Variants in LRRC7 observed in about 807,000 individuals in gnomAD.
LRRC7 encodes the protein leucine rich repeat containing 7.
In LRRC7, 23 loss-of-function variants were observed where a neutral mutation model predicts 175.7. The ratio of observed to expected loss-of-function variants is 0.13; its 90% CI spans 0.09 to 0.19. The LOEUF is 0.19. LRRC7 is among the 10% of genes least tolerant of loss of function. LRRC7 has a pLI of 1.00. For synonymous variants in LRRC7, 685 were observed against 680.9 expected (o/e 1.01, Z -0.09); for missense variants, 1,354 against 1,904.7 (o/e 0.71, Z 5.38).
chr1:69,933,408 T>C (rs543870433), intron 8 of LRRC7, among the ~76,000 whole-genome samples: 1 of 152,318 alleles, frequency 6.6e-6, no homozygotes, highest in Admixed American at 6.5e-5. Flanking sequence ...AAATAACAGA[T>C]AGTGGCAAAA....
chr1:70,128,345 T>C lies in LRRC7; in HGVS notation c.*6458T>C, dbSNP rs369630445. Among the ~76,000 whole-genome samples the C allele has an allele frequency of 2.5e-4, 38 of 152,348 alleles. No individual in the cohort carries two copies. Among genetic ancestry groups the C allele is most frequent in the African/African-American group, 8.4e-4 (35 of 41,584 alleles). ...AAAGTTAAATGAATCACCCAATCTT[T>C]CTCTAGTTTTGAAAGTGTATTTTTT... On this transcript the variant is annotated 3_prime_UTR_variant, in exon 27 of 27. Transcript: ENST00000651989.
intron 1 of LRRC7, among the ~76,000 whole-genome samples, chr1:69,659,525 AAAAG>A (rs1657137058): frequency 6.6e-6 from 1 of 151,894 alleles, no homozygotes; most frequent in African/African-American, 2.4e-5. Flanking sequence ...AAAAAAAAAA[AAAAG>A]ATTACCTTTC....
At chr1:70,066,841 T>A (rs1192538231) in intron 23 of LRRC7, among the ~76,000 whole-genome samples, 1 of 152,082 alleles carries the variant, frequency 6.6e-6, no homozygotes, top group Non-Finnish European at 1.5e-5. Context: ...CATTTGACAT[T>A]GCCAGCAGCA....
At chr1:69,770,343 A>G (rs1442946084) in intron 3 of LRRC7, among the ~76,000 whole-genome samples, 4 of 152,200 alleles carry the variant, frequency 2.6e-5, no homozygotes, top group Admixed American at 6.5e-5. Flanking sequence ...GTTCAAGGCC[A>G]TGTTTTTCTT....
At chr1:69,717,826 GAAAGAAAGAAAGAAAA>G (rs1665650467) in intron 2 of LRRC7, among the ~76,000 whole-genome samples, 6 of 25,296 alleles carry the variant, frequency 2.4e-4, no homozygotes, top group African/African-American at 9.4e-4. Context: ...AAGAAAGAAA[GAAAGAAAGAAAGAAAA>G]AAGAAAGAAA....
At chr1:69,700,490 G>A (rs1663202746) in intron 2 of LRRC7, among the ~76,000 whole-genome samples, 1 of 152,054 alleles carries the variant, frequency 6.6e-6, no homozygotes, top group Non-Finnish European at 1.5e-5. Flanking sequence ...TCTTCTACTG[G>A]CCTAGCAGAA....
chr1:69,888,158 T>TGG (rs1311603496), intron 7 of LRRC7, among the ~76,000 whole-genome samples: 4 of 150,066 alleles, frequency 2.7e-5, no homozygotes, highest in Admixed American at 6.6e-5. Flanking sequence ...AGTTTGAGCT[T>TGG]CCTGGCTGCT....
At chr1:69,730,523 T>A (rs1198065856) in intron 2 of LRRC7, among the ~76,000 whole-genome samples, 2 of 152,068 alleles carry the variant, frequency 1.3e-5, no homozygotes, top group South Asian at 2.1e-4. Context: ...AAGTTCCTCA[T>A]CTCCATCTGA....
chr1:69,915,019 G>T lies in LRRC7; in HGVS notation c.648-16488G>T, dbSNP rs546251631. ...AAAACAGGCCAGATTCAGATGACTG[G>T]CCAGTGCTAGAAAAAGAGATGAAGA... On this transcript the variant is annotated intron_variant, in intron 7 of 26. Transcript: ENST00000651989. Among the ~76,000 whole-genome samples, 29 of 152,234 alleles carry T rather than the reference G, an allele frequency of 1.9e-4. No individual in the cohort carries two copies. In the South Asian group the frequency reaches 5.8e-3, roughly 30 times the overall value.
At chr1:69,997,658 T>C (rs1396756922) in intron 11 of LRRC7, among the ~76,000 whole-genome samples, 1 of 149,898 alleles carries the variant, frequency 6.7e-6, no homozygotes, top group Non-Finnish European at 1.5e-5. Flanking sequence ...ATTGAGATAA[T>C]CATGTGGTTT....
intron 4 of LRRC7, among the ~76,000 whole-genome samples, chr1:69,799,627 G>C (rs1310757513): frequency 6.6e-6 from 1 of 151,970 alleles, no homozygotes; most frequent in Non-Finnish European, 1.5e-5. Flanking sequence ...GGACACATAG[G>C]TTGATTTCAA....
chr1:69,885,864 T>C (rs1173504267), intron 7 of LRRC7, among the ~76,000 whole-genome samples: 1 of 125,512 alleles, frequency 8.0e-6, no homozygotes, highest in African/African-American at 3.0e-5. Flanking sequence ...CTGCCTTCAT[T>C]TCGTTATGTA....
At chr1:70,090,990 T>C (rs1261723414) in intron 25 of LRRC7, among the ~76,000 whole-genome samples, 2 of 152,116 alleles carry the variant, frequency 1.3e-5, no homozygotes, top group Non-Finnish European at 2.9e-5. Flanking sequence ...AAAGGAAGAA[T>C]TGGTCGCATG....
intron 7 of LRRC7, among the ~76,000 whole-genome samples, chr1:69,850,824 G>C (rs1411392530): frequency 6.6e-6 from 1 of 152,070 alleles, no homozygotes; most frequent in East Asian, 1.9e-4. Context: ...TCAGCTGTTG[G>C]TGGCTAGATA....
intron 23 of LRRC7, among the ~76,000 whole-genome samples, chr1:70,065,539 C>T (rs886664941): frequency 2.0e-5 from 3 of 151,824 alleles, no homozygotes; most frequent in African/African-American, 4.8e-5. Context: ...TAGCTTTGTT[C>T]CTAACAATAG....
At chr1:70,107,657 T>A in intron 25 of LRRC7, 95 bp from the exon 26 acceptor site, 1 of 861,674 alleles carries the variant, frequency 1.2e-6, no homozygotes, top group Non-Finnish European at 1.9e-6. Flanking sequence ...TGTTTCTGGA[T>A]CTGTTTTCAC....
chr1:69,596,210 G>T (rs115023982), intron 1 of LRRC7, among the ~76,000 whole-genome samples: 2,761 of 152,160 alleles, frequency 0.018, 37 homozygotes, highest in Non-Finnish European at 0.028. Context: ...TTTGCTCTTT[G>T]CAGCAATACT....
At chr1:69,790,560 C>G (rs72941480) in intron 3 of LRRC7, among the ~76,000 whole-genome samples, 9,675 of 151,830 alleles carry the variant, frequency 0.064, 328 homozygotes, top group South Asian at 0.11. Flanking sequence ...GTAAATCTTA[C>G]CAAAATCATT....
Position 70,027,295 on chromosome 1 carries a change from T to C in LRRC7, c.1795-876T>C, listed in dbSNP as rs1378723536. On this transcript the variant is annotated intron_variant, in intron 17 of 26. Coordinates refer to ENST00000651989, the MANE Select transcript of LRRC7 (RefSeq NM_001370785.2). Reference sequence around the variant, plus strand: ...TGTACTTATTCTATTTTAAATATATTATAACAAGTACCGTGATGATGAAAT... The same window carrying C: ...TGTACTTATTCTATTTTAAATATATCATAACAAGTACCGTGATGATGAAAT... Among the ~76,000 whole-genome samples the C allele has an allele frequency of 5.9e-5, 9 of 152,258 alleles. No individual in the cohort carries two copies. In the East Asian group the frequency reaches 1.7e-3, roughly 29 times the overall value.
Sources: allele counts gnomAD v4.1 joint callset (sites outside exome capture counted in the v4.1 genomes callset), GRCh38; gene constraint gnomAD v4.1.1; transcripts MANE v1.5; gene names NCBI Gene and HGNC (gene_info 2026-07-23, HGNC 2026-07-21).